Variants in PRKN observed in about 807,000 individuals in gnomAD.
PRKN encodes E3 ubiquitin-protein ligase parkin.
PRKN carries 56 observed loss-of-function variants against 59.5 expected under a neutral mutation model. The ratio of observed to expected loss-of-function variants is 0.94; its 90% CI spans 0.76 to 1.18. The LOEUF (loss-of-function observed/expected upper bound fraction) is 1.18, where lower values mean the gene tolerates loss of function less well. PRKN is among the 50% of genes most tolerant of loss of function. The pLI, the probability that PRKN is intolerant of heterozygous loss-of-function variation, is 0.00. For synonymous variants in PRKN, 250 were observed against 222.1 expected, an observed-to-expected ratio of 1.13 and a Z score of -1.12; for missense variants, 657 against 596.4, an observed-to-expected ratio of 1.10 and a Z score of -1.06.
intron 6 of PRKN, among the ~76,000 whole-genome samples, chr6:161,875,332 T>A (rs2128228265): frequency 6.6e-6 from 1 of 151,316 alleles, no homozygotes; most frequent in East Asian, 1.9e-4. Context: ...TAGCTGGGAT[T>A]ACATGTGCGA....
At chr6:161,517,349 G>A (rs1778646671) in intron 9 of PRKN, among the ~76,000 whole-genome samples, 1 of 152,038 alleles carries the variant, frequency 6.6e-6, no homozygotes, top group Non-Finnish European at 1.5e-5. Flanking sequence ...TGACATCACA[G>A]CGCACCAAAA....
At position 161,423,406 on chromosome 6, in the gene PRKN, A is replaced by G. The variant is rs1335773975; in HGVS notation, c.1084-36529T>C. 1.3e-5 allele frequency among the ~76,000 whole-genome samples: 2 copies of G among 152,202 alleles called. No homozygotes were observed. Among genetic ancestry groups the G allele is most frequent in the Non-Finnish European group, 2.9e-5 (2 of 68,048 alleles). On this transcript the variant is annotated intron_variant, in intron 9 of 11. Transcript: ENST00000366898. The surrounding 1 kb of genome is among the most constrained non-coding windows in gnomAD (Gnocchi z 5.9). ...GAGGTGAGTACTGCGATGCAGTTAC[A>G]CGTCGTAACCACCTGAATTTTATGG... is the stretch of plus-strand genomic sequence containing the variant.
intron 6 of PRKN, among the ~76,000 whole-genome samples, chr6:161,952,597 T>C (rs1179116591): frequency 6.6e-6 from 1 of 152,122 alleles, no homozygotes; most frequent in East Asian, 1.9e-4. Flanking sequence ...CAAGACTGGG[T>C]GACAGTGAGA....
chr6:162,718,018 C>A (rs2849511), intron 1 of PRKN, among the ~76,000 whole-genome samples: 5 of 152,078 alleles, frequency 3.3e-5, no homozygotes, highest in Admixed American at 6.5e-5. Flanking sequence ...TATAATTTGC[C>A]GGTATACTTC....
intron 1 of PRKN, among the ~76,000 whole-genome samples, chr6:162,570,490 A>T (rs1780275884): frequency 6.6e-6 from 1 of 152,244 alleles, no homozygotes; most frequent in South Asian, 2.1e-4. Context: ...AAAGGAAATC[A>T]GTGTATACAA....
intron 2 of PRKN, among the ~76,000 whole-genome samples, chr6:162,368,352 C>A (rs1785564715): frequency 6.6e-6 from 1 of 152,120 alleles, no homozygotes; most frequent in South Asian, 2.1e-4. Flanking sequence ...AAGCCAGAAG[C>A]CAGACTCTTT....
chr6:162,707,920 G>T (rs1011587660), intron 1 of PRKN, among the ~76,000 whole-genome samples: 1 of 151,974 alleles, frequency 6.6e-6, no homozygotes, highest in Non-Finnish European at 1.5e-5. Context: ...TCACCATGTT[G>T]GCCAAGTTGG....
intron 7 of PRKN, among the ~76,000 whole-genome samples, chr6:161,634,031 C>G (rs999140908): frequency 7.0e-6 from 1 of 142,798 alleles, no homozygotes; most frequent in Non-Finnish European, 1.6e-5. Flanking sequence ...CACACACACA[C>G]ACACACATCC....
chr6:162,294,425 G>A lies in PRKN; in HGVS notation c.172-31660C>T, dbSNP rs1240728704. Among the ~76,000 whole-genome samples, 3 of 152,260 alleles carry A rather than the reference G, an allele frequency of 2.0e-5. No homozygotes were observed. The East Asian group carries it at 5.8e-4, about 29-fold the overall frequency. ...CTCAATGTCAATGTCAGGCAGAGAA[G>A]AACCTGTGGCTTGAAATGAGCAAGA... On this transcript the variant is annotated intron_variant, in intron 2 of 11. Coordinates refer to ENST00000366898, the MANE Select transcript of PRKN (RefSeq NM_004562.3).
At chr6:162,482,011 G>T (rs1201280217) in intron 1 of PRKN, among the ~76,000 whole-genome samples, 1 of 152,018 alleles carries the variant, frequency 6.6e-6, no homozygotes, top group Non-Finnish European at 1.5e-5. Context: ...ATTTGCTTTT[G>T]CCCCTTTTCT....
At chr6:162,518,658 T>C (rs897056428) in intron 1 of PRKN, among the ~76,000 whole-genome samples, 3 of 152,144 alleles carry the variant, frequency 2.0e-5, no homozygotes, top group South Asian at 2.1e-4. Context: ...GGAGCCACAA[T>C]ACCCGGCCAG....
At chr6:162,424,685 A>G (rs1789140196) in intron 2 of PRKN, among the ~76,000 whole-genome samples, 1 of 151,414 alleles carries the variant, frequency 6.6e-6, no homozygotes, top group Admixed American at 6.6e-5. Flanking sequence ...CAGTGAGCCG[A>G]GATCACGCCA....
At chr6:162,568,121 G>A (rs9458604) in intron 1 of PRKN, among the ~76,000 whole-genome samples, 1 of 151,906 alleles carries the variant, frequency 6.6e-6, no homozygotes, top group African/African-American at 2.4e-5. Flanking sequence ...AAGCAAAATC[G>A]ATTTAAAAAT....
At chr6:162,042,299 G>C (rs969751142) in intron 5 of PRKN, among the ~76,000 whole-genome samples, 1 of 151,858 alleles carries the variant, frequency 6.6e-6, no homozygotes, top group Non-Finnish European at 1.5e-5. Flanking sequence ...CTGAACCATA[G>C]TCCTTATTTA....
chr6:162,334,366 C>T (rs1012782370), intron 2 of PRKN, among the ~76,000 whole-genome samples: 7 of 152,160 alleles, frequency 4.6e-5, no homozygotes, highest in Non-Finnish European at 1.0e-4. Flanking sequence ...TTGTTAGGGG[C>T]AAATGCAGCT....
At chr6:162,229,673 G>T (rs894627757) in intron 3 of PRKN, among the ~76,000 whole-genome samples, 1 of 151,924 alleles carries the variant, frequency 6.6e-6, no homozygotes, top group Non-Finnish European at 1.5e-5. Flanking sequence ...ATCTGCCCTC[G>T]GCCTTGGCAC....
intron 6 of PRKN, among the ~76,000 whole-genome samples, chr6:161,804,187 C>A (rs1249093971): frequency 6.6e-6 from 1 of 152,136 alleles, no homozygotes; most frequent in East Asian, 1.9e-4. Flanking sequence ...GAGTATCCAC[C>A]CATCTCCCAG....
intron 1 of PRKN, among the ~76,000 whole-genome samples, chr6:162,503,010 G>A: frequency 6.6e-6 from 1 of 150,876 alleles, no homozygotes; most frequent in Non-Finnish European, 1.5e-5. Flanking sequence ...AAATAAAATA[G>A]AATATCTTGT....
intron 2 of PRKN, among the ~76,000 whole-genome samples, chr6:162,337,468 T>A (rs1783893887): frequency 6.6e-6 from 1 of 152,248 alleles, no homozygotes; most frequent in South Asian, 2.1e-4. Flanking sequence ...AAATGTGTGA[T>A]GAATGTCACT....
Sources: allele counts gnomAD v4.1 joint callset (sites outside exome capture counted in the v4.1 genomes callset), GRCh38; gene constraint gnomAD v4.1.1; non-coding constraint Gnocchi (gnomAD v3.1); transcripts MANE v1.5; gene names NCBI Gene and HGNC (gene_info 2026-07-23, HGNC 2026-07-21).